MORN3: variants seen among roughly 807,000 people sequenced by gnomAD.
The protein encoded by MORN3 is MORN repeat-containing protein 3.
MORN3 carries 38 observed loss-of-function variants against 34.7 expected under a neutral mutation model. The observed-to-expected ratio is 1.10, with a 90% CI of 0.85 to 1.44. The LOEUF is 1.44. Ranked by LOEUF, MORN3 falls within the 40% of genes most tolerant of loss-of-function variation. The pLI is 0.00. For missense variants in MORN3, 311 were observed against 321.7 expected, an observed-to-expected ratio of 0.97 and a Z score of 0.25; for synonymous variants, 109 against 115.3, an observed-to-expected ratio of 0.95 and a Z score of 0.35.
At chr12:121,669,815 T>TAC, upstream of MORN3, among the ~76,000 whole-genome samples, 1 of 117,054 alleles carries the variant, frequency 8.5e-6, no homozygotes, top group African/African-American at 3.6e-5. Flanking sequence ...CATATATACA[T>TAC]ATATATATAT....
intron 2 of MORN3, among the ~76,000 whole-genome samples, chr12:121,658,868 TGGGGAAAAGAAAGCCAGGAAACGAG>T (rs1442929291): frequency 1.3e-5 from 2 of 151,980 alleles, no homozygotes; most frequent in African/African-American, 4.8e-5. Context: ...AAGTGATACC[TGGGGAAAAGAAAGCCAGGAAACGAG>T]GGGGAAAAGG....
intron 2 of MORN3, among the ~76,000 whole-genome samples, chr12:121,656,662 C>A (rs141979863): frequency 6.6e-6 from 1 of 152,068 alleles, no homozygotes; most frequent in East Asian, 1.9e-4. Flanking sequence ...CAGGTACACA[C>A]CACTATGCCC....
chr12:121,657,537 T>G (rs1893447304), intron 2 of MORN3, among the ~76,000 whole-genome samples: 1 of 152,054 alleles, frequency 6.6e-6, no homozygotes, highest in African/African-American at 2.4e-5. Context: ...TTAAAAACTC[T>G]GCAGCCAGAA....
chr12:121,669,471 T>C lies in MORN3; in HGVS notation c.13A>G (p.Lys5Glu), dbSNP rs1323116205. The change falls in exon 1 of 6, where the codon AAG (lysine) becomes GAG (glutamate). Residue 5 changes from lysine to glutamate, a missense_variant. By Grantham distance (56) the Lys-to-Glu change is moderately conservative (BLOSUM62 1). Coordinates refer to ENST00000355329, the MANE Select transcript of MORN3 (RefSeq NM_173855.5). ...AGGGACTCCGACTTTTTTGGGCACT[T>C]AGAGACTGGCATGGTGGCTGCTTCT... Reference protein sequence around the residue: MPVSKCPKKSESLWK... With the variant: MPVSECPKKSESLWK... 3.1e-6 allele frequency: 5 copies of C among 1,613,572 alleles called. No homozygotes were observed. Among genetic ancestry groups the C allele is most frequent in the Non-Finnish European group, 4.2e-6 (5 of 1,179,716 alleles).
At position 121,654,305 on chromosome 12, in the gene MORN3, G is replaced by T; in HGVS notation, c.432C>A (p.Asp144Glu). The change falls in exon 3 of 6, where the codon GAC (aspartate) becomes GAA (glutamate). Residue 144 changes from aspartate to glutamate, a missense_variant. Transcript: ENST00000355329. ...GCAGCATGCCCTCCCCGTTGGGCTT[G>T]TCGTTCTCCCACTGTCCCTCGTAGA... ...GDIYEGQWEN[D>E]KPNGEGMLRL... The T allele has an allele frequency of 6.3e-7, 1 of 1,597,920 alleles. No homozygotes were observed. Among genetic ancestry groups the T allele is most frequent in the Non-Finnish European group, 8.5e-7 (1 of 1,173,428 alleles).
In MORN3 at chr12:121,665,278, C is replaced by CTTTTTTTTTTTTT. The variant is rs767525874; in HGVS notation, c.145+4048_145+4060dup. The stretch of plus-strand genomic sequence containing the variant: ...AGATCTCGCGTTTTCTTTTTCTTTC[C>CTTTTTTTTTTTTT]TTTTTTTTTTTTTTTTTTTTTTTTT... On this transcript the variant is annotated intron_variant, in intron 1 of 5. Transcript: ENST00000355329. Among the ~76,000 whole-genome samples, 14 of 50,634 alleles carry CTTTTTTTTTTTTT rather than the reference C, an allele frequency of 2.8e-4. 1 individual carries two copies. The highest frequency in any genetic ancestry group is 3.8e-4 in the Non-Finnish European group (11 of 28,702). The allele number at this position is 50,634 out of a possible 152,430, so 33.2% of individuals were successfully genotyped here.
rs182488668 is a variant in MORN3, at chr12:121,663,239, C to G, written c.146-3891G>C. On this transcript the variant is annotated intron_variant, in intron 1 of 5. Coordinates refer to ENST00000355329, the MANE Select transcript of MORN3 (RefSeq NM_173855.5). ...TTGAGACAGAGTTTCATTCTTGTTG[C>G]TCAGGCTGGAGTGCAACGGTGCAAT... is the stretch of plus-strand genomic sequence containing the variant. 4.2e-4 allele frequency among the ~76,000 whole-genome samples: 62 copies of G among 146,606 alleles called. 1 individual carries two copies. Among genetic ancestry groups the G allele is most frequent in the African/African-American group, 1.5e-3 (58 of 39,700 alleles).
At chr12:121,653,841 A>G (rs1209992171) in intron 3 of MORN3, among the ~76,000 whole-genome samples, 12 of 152,122 alleles carry the variant, frequency 7.9e-5, no homozygotes, top group Admixed American at 4.6e-4. Context: ...TTCATATAAC[A>G]TAAGTTGGCC....
intron 1 of MORN3, 92 bp downstream of exon 1, chr12:121,669,247 T>G (rs902405635): frequency 2.7e-5 from 41 of 1,528,556 alleles, no homozygotes; most frequent in Non-Finnish European, 3.3e-5. Context: ...ACATCTCATG[T>G]CCCCAGTGAG....
chr12:121,665,639 T>C lies in MORN3; in HGVS notation c.145+3700A>G, dbSNP rs377391184. Among the ~76,000 whole-genome samples, 4 of 150,480 alleles carry C rather than the reference T, an allele frequency of 2.7e-5. No individual in the cohort carries two copies. The South Asian group carries it at 8.4e-4, about 32-fold the overall frequency. On this transcript the variant is annotated intron_variant, in intron 1 of 5. Transcript: ENST00000355329. ...AATTAGCTGGGCTTGGTGGCGTGCA[T>C]CTGTAATCCCAGCTACTCAGGAGGC...
In MORN3 at chr12:121,651,317, T is replaced by G. The variant is rs1178183086; in HGVS notation, c.*334A>C. On this transcript the variant is annotated 3_prime_UTR_variant, in exon 6 of 6. Coordinates refer to ENST00000355329, the MANE Select transcript of MORN3 (RefSeq NM_173855.5). ...CAGGCAGCCCAGCCAAGGCAGGTCTTCCCTCTTCTAAACCTGAAAGCCCTG... is the reference window on the plus strand; with the variant it reads ...CAGGCAGCCCAGCCAAGGCAGGTCTGCCCTCTTCTAAACCTGAAAGCCCTG... 6.6e-6 allele frequency: 1 copy of G among 152,216 alleles called. No homozygotes were observed. Among genetic ancestry groups the G allele is most frequent in the South Asian group, 2.1e-4 (1 of 4,816 alleles). The allele number at this position is 152,216 out of a possible 1,614,324, so 9.4% of individuals were successfully genotyped here.
rs538777177 is a variant in MORN3, at chr12:121,654,156, G to T, written c.463+118C>A. On this transcript the variant is annotated intron_variant, in intron 3 of 5. Transcript: ENST00000355329. ...TCTCTTGTCCCACATTGACACAAGG[G>T]TCAGTGTGGGACAAGAGTGTGGGGT... 45 of 781,282 alleles carry T rather than the reference G, an allele frequency of 5.8e-5. No individual in the cohort carries two copies. The South Asian group carries it at 7.3e-4, about 13-fold the overall frequency. 48.4% of individuals were successfully genotyped at this position (781,282 alleles called of 1,614,324 possible). A position where few individuals can be genotyped will look rare whatever the true frequency, so the allele number is the denominator to read the frequency against.
chr12:121,666,742 C>T (rs1231793248), intron 1 of MORN3, among the ~76,000 whole-genome samples: 1 of 151,946 alleles, frequency 6.6e-6, no homozygotes, highest in Non-Finnish European at 1.5e-5. Flanking sequence ...TGTCTCTCAC[C>T]TGGATGTCTG....
At chr12:121,655,932 G>A (rs1388041802) in intron 2 of MORN3, among the ~76,000 whole-genome samples, 4 of 152,098 alleles carry the variant, frequency 2.6e-5, no homozygotes, top group African/African-American at 9.6e-5. Flanking sequence ...TCGGGAGGCT[G>A]AGGCAGGAGA....
At chr12:121,668,601 C>T (rs1237066428) in intron 1 of MORN3, among the ~76,000 whole-genome samples, 2 of 152,076 alleles carry the variant, frequency 1.3e-5, no homozygotes, top group Non-Finnish European at 2.9e-5. Context: ...GTAATCCCAG[C>T]AATTCAGGAG....
At chr12:121,664,357 C>CT (rs1286515714) in intron 1 of MORN3, among the ~76,000 whole-genome samples, 1 of 152,132 alleles carries the variant, frequency 6.6e-6, no homozygotes, top group African/African-American at 2.4e-5. Context: ...AAGAAGGGCA[C>CT]TTGGTCAAAT....
intron 2 of MORN3, among the ~76,000 whole-genome samples, chr12:121,657,884 A>T (rs1264896550): frequency 6.6e-6 from 1 of 151,928 alleles, no homozygotes; most frequent in African/African-American, 2.4e-5. Flanking sequence ...AAATAAATTA[A>T]TAATAATAAT....
intron 2 of MORN3, among the ~76,000 whole-genome samples, chr12:121,656,558 A>G (rs1002379274): frequency 1.3e-5 from 2 of 152,150 alleles, no homozygotes; most frequent in Non-Finnish European, 2.9e-5. Context: ...TCTGTTGCCC[A>G]GGCTGAAGTG....
intron 1 of MORN3, among the ~76,000 whole-genome samples, chr12:121,665,314 G>A (rs1189506377): frequency 6.7e-5 from 6 of 89,376 alleles, no homozygotes; most frequent in African/African-American, 1.2e-4. Context: ...TTTTTGAGAC[G>A]GTGTCTCGCT....
Sources: gnomAD v4.1 joint callset for allele counts (sites outside exome capture counted in the v4.1 genomes callset) on GRCh38, gnomAD v4.1.1 for gene constraint, MANE v1.5 for transcripts, NCBI Gene and HGNC (gene_info 2026-07-23, HGNC 2026-07-21) for gene names.